Variants in HPSE2 observed in about 807,000 individuals in gnomAD.
The protein encoded by HPSE2 is inactive heparanase-2.
A neutral mutation model predicts 60.5 loss-of-function variants in HPSE2; 38 were observed. That is an observed-to-expected ratio of 0.63 (90% confidence interval 0.48 to 0.82). HPSE2 has a LOEUF of 0.82. Ranked by LOEUF, HPSE2 falls within the 40% of genes least tolerant of loss-of-function variation. HPSE2 has a pLI of 0.00. For synonymous variants in HPSE2, 295 were observed against 293.2 expected (o/e 1.01, Z -0.06); for missense variants, 713 against 740.4 (o/e 0.96, Z 0.43).
At chr10:99,257,136 C>A in the HPSE2 span, among the ~76,000 whole-genome samples, 2 of 152,248 alleles carry the variant, frequency 1.3e-5, no homozygotes, top group South Asian at 4.1e-4. Flanking sequence ...TCTTCATAAG[C>A]TAAGGAGGAT....
intron 9 of HPSE2, among the ~76,000 whole-genome samples, chr10:98,492,991 C>T (rs943197111): frequency 3.3e-5 from 5 of 152,220 alleles, no homozygotes; most frequent in African/African-American, 9.6e-5. Flanking sequence ...ATTCCCCCTC[C>T]CCCAATCTCT....
chr10:98,727,014 C>T (rs1178465037), intron 4 of HPSE2, among the ~76,000 whole-genome samples: 1 of 152,128 alleles, frequency 6.6e-6, no homozygotes, highest in Non-Finnish European at 1.5e-5. Context: ...GATCAATCTT[C>T]AGCTCACCAT....
chr10:98,928,395 T>C lies in HPSE2; in HGVS notation c.611-184339A>G, dbSNP rs1298099364. On this transcript the variant is annotated intron_variant, in intron 3 of 11. Coordinates refer to ENST00000370552, the MANE Select transcript of HPSE2 (RefSeq NM_021828.5). ...AACACTTTCACACTGTTGGTGGGAC[T>C]GTAAACTAGTTCAACCATTGTAGAA... is the stretch of plus-strand genomic sequence containing the variant. 4.5e-5 allele frequency among the ~76,000 whole-genome samples: 3 copies of C among 65,978 alleles called. 1 individual carries two copies. Among genetic ancestry groups the C allele is most frequent in the African/African-American group, 1.6e-4 (3 of 18,432 alleles). 43.3% of individuals were successfully genotyped at this position (65,978 alleles called of 152,430 possible).
intron 3 of HPSE2, among the ~76,000 whole-genome samples, chr10:98,823,372 G>A (rs982252781): frequency 1.3e-5 from 2 of 152,126 alleles, no homozygotes; most frequent in Non-Finnish European, 2.9e-5. Context: ...TAATCCCAGC[G>A]CTTTGAGAGG....
chr10:98,567,466 G>A (rs1944378822), intron 9 of HPSE2, among the ~76,000 whole-genome samples: 1 of 152,148 alleles, frequency 6.6e-6, no homozygotes, highest in Non-Finnish European at 1.5e-5. Context: ...ATTCTATGTG[G>A]GGTTTGCACA....
chr10:99,263,305 C>G, the HPSE2 span, among the ~76,000 whole-genome samples: 1 of 152,324 alleles, frequency 6.6e-6, no homozygotes. Context: ...TACCTCTCAG[C>G]AAGCCAAACT....
At chr10:98,944,158 G>C (rs1303988027) in intron 3 of HPSE2, among the ~76,000 whole-genome samples, 2 of 152,116 alleles carry the variant, frequency 1.3e-5, no homozygotes, top group Non-Finnish European at 2.9e-5. Flanking sequence ...AAAGGCAAAG[G>C]GTAGTGACAG....
intron 3 of HPSE2, among the ~76,000 whole-genome samples, chr10:98,837,782 C>G (rs908171808): frequency 6.6e-6 from 1 of 151,274 alleles, no homozygotes; most frequent in Admixed American, 6.6e-5. Flanking sequence ...GCTGAGGCAG[C>G]AGAATGGCGT....
chr10:99,271,206 G>C, the HPSE2 span, among the ~76,000 whole-genome samples: 1 of 152,178 alleles, frequency 6.6e-6, no homozygotes, highest in Non-Finnish European at 1.5e-5. Context: ...GTCAATGTTT[G>C]CTGATGACAT....
chr10:99,079,352 C>T (rs1843054258), intron 3 of HPSE2, among the ~76,000 whole-genome samples: 1 of 152,124 alleles, frequency 6.6e-6, no homozygotes, highest in Admixed American at 6.5e-5. Flanking sequence ...GCCAAACCTC[C>T]ACCTCGGTTC....
At chr10:99,156,969 A>G (rs1200823782) in intron 2 of HPSE2, among the ~76,000 whole-genome samples, 2 of 136,452 alleles carry the variant, frequency 1.5e-5, no homozygotes, top group Non-Finnish European at 3.2e-5. Context: ...AGACAAACAG[A>G]GAGGCAAATC....
intron 3 of HPSE2, among the ~76,000 whole-genome samples, chr10:98,776,463 G>GATA (rs1197114764): frequency 1.3e-5 from 2 of 151,452 alleles, no homozygotes; most frequent in Non-Finnish European, 2.9e-5. Context: ...TAATAATAAC[G>GATA]ATAATAATAA....
chr10:99,245,294 C>T, the HPSE2 span, among the ~76,000 whole-genome samples: 2 of 152,136 alleles, frequency 1.3e-5, no homozygotes, highest in Non-Finnish European at 2.9e-5. Context: ...CCAGATCCCT[C>T]ACTACACAAT....
intron 3 of HPSE2, among the ~76,000 whole-genome samples, chr10:99,096,406 C>T (rs370332344): frequency 6.6e-6 from 1 of 152,112 alleles, no homozygotes; most frequent in Non-Finnish European, 1.5e-5. Flanking sequence ...AACAACAATC[C>T]TATGGGGTAG....
intron 4 of HPSE2, among the ~76,000 whole-genome samples, chr10:98,726,983 C>A (rs1932731): frequency 0.95 from 144,000 of 152,214 alleles, 68,608 homozygotes; most frequent in East Asian, 1. Flanking sequence ...TACTGGCTCA[C>A]GGGAATTAAG....
rs1948545137 is a variant in HPSE2, at chr10:98,706,263, A to T, written c.957-12316T>A. Among the ~76,000 whole-genome samples, 3 of 152,200 alleles carry T rather than the reference A, an allele frequency of 2.0e-5. No homozygotes were observed. In the South Asian group the frequency reaches 6.2e-4, roughly 32 times the overall value. On this transcript the variant is annotated intron_variant, in intron 5 of 11. Transcript: ENST00000370552. ...GTATAGTAAACTCTAAGATACAAAA[A>T]ATTAGCTGAATTTTTGCTTGGAGAA...
At chr10:98,543,214 T>C (rs1450299197) in intron 9 of HPSE2, among the ~76,000 whole-genome samples, 1 of 152,166 alleles carries the variant, frequency 6.6e-6, no homozygotes, top group Non-Finnish European at 1.5e-5. Flanking sequence ...TAGAATTTCA[T>C]ATCCAGCCAA....
chr10:98,607,394 T>C (rs1175381469), intron 9 of HPSE2, among the ~76,000 whole-genome samples: 1 of 152,194 alleles, frequency 6.6e-6, no homozygotes, highest in Non-Finnish European at 1.5e-5. Context: ...GGATTTTCAA[T>C]TGTTGCTTCT....
chr10:98,698,995 A>G (rs914737209), intron 5 of HPSE2, among the ~76,000 whole-genome samples: 1 of 152,164 alleles, frequency 6.6e-6, no homozygotes, highest in Non-Finnish European at 1.5e-5. Context: ...TGTGGCAATA[A>G]TCAATAGCTT....
Sources: gnomAD v4.1 joint callset for allele counts (sites outside exome capture counted in the v4.1 genomes callset) on GRCh38, gnomAD v4.1.1 for gene constraint, MANE v1.5 for transcripts, NCBI Gene and HGNC (gene_info 2026-07-23, HGNC 2026-07-21) for gene names.